The following CA6 variants were observed in gnomAD, a reference collection of about 807,000 sequenced individuals.
CA6 encodes carbonate dehydratase VI.
Under a neutral mutation model 35.9 loss-of-function variants are expected in CA6, and 28 were observed. That is an observed-to-expected ratio of 0.78 (90% confidence interval 0.58 to 1.07). The LOEUF is 1.07. Among genes scored for constraint, CA6 ranks in the 50% least tolerant of loss-of-function variants. The pLI, the probability that CA6 is intolerant of heterozygous loss-of-function variation, is 0.00. For missense variants in CA6, 377 were observed against 382.0 expected (o/e 0.99, Z 0.11); for synonymous variants, 148 against 152.6 (o/e 0.97, Z 0.22).
intron 4 of CA6, among the ~76,000 whole-genome samples, chr1:8,959,309 C>T (rs987523068): frequency 2.7e-5 from 4 of 150,614 alleles, no homozygotes; most frequent in Admixed American, 1.3e-4. Flanking sequence ...AACACCTCTG[C>T]ATTTCCTTTT....
At chr1:8,955,107 T>C (rs1343044462) in intron 2 of CA6, among the ~76,000 whole-genome samples, 1 of 149,964 alleles carries the variant, frequency 6.7e-6, no homozygotes, top group Non-Finnish European at 1.5e-5. Flanking sequence ...CCAGGTGCCG[T>C]GGCTCACCTA....
chr1:8,949,032 T>C (rs113897917), intron 1 of CA6, among the ~76,000 whole-genome samples: 1,996 of 151,766 alleles, frequency 0.013, 61 homozygotes, highest in African/African-American at 0.047. Context: ...GGGCCAGCAG[T>C]TGCCACAGGA....
chr1:8,962,407 T>C (rs1639863305), intron 4 of CA6, among the ~76,000 whole-genome samples, 180 bp from the exon 5 acceptor site: 1 of 152,102 alleles, frequency 6.6e-6, no homozygotes, highest in South Asian at 2.1e-4. Context: ...CTCATGAACC[T>C]GCGTGGTTGG....
At chr1:8,969,446 T>A (rs534924522) in intron 6 of CA6, among the ~76,000 whole-genome samples, 65 of 151,514 alleles carry the variant, frequency 4.3e-4, no homozygotes, top group South Asian at 3.6e-3. Flanking sequence ...GATGGAACTA[T>A]GAAAAGAAGT....
chr1:8,974,770 C>A lies in CA6; in HGVS notation c.*66C>A. 1.2e-6 allele frequency: 1 copy of A among 861,072 alleles called. No individual in the cohort carries two copies. The highest frequency in any genetic ancestry group is 1.8e-6 in the Non-Finnish European group (1 of 556,322). 53.3% of individuals were successfully genotyped at this position (861,072 alleles called of 1,614,324 possible). A position where few individuals can be genotyped will look rare whatever the true frequency, so the allele number is the denominator to read the frequency against. The stretch of plus-strand genomic sequence containing the variant: ...CCTGACCTAGCCAGAAGTGCCTGTC[C>A]GCTGCAGCCGCACCCTACCTTGTCT... On this transcript the variant is annotated 3_prime_UTR_variant, in exon 8 of 8. Coordinates refer to ENST00000377443, the MANE Select transcript of CA6 (RefSeq NM_001215.4).
intron 2 of CA6, among the ~76,000 whole-genome samples, chr1:8,950,987 A>G (rs6675298): frequency 0.71 from 108,049 of 152,140 alleles, 39,265 homozygotes; most frequent in African/African-American, 0.87. Context: ...AGCCCGAGGC[A>G]GGCAGATCAC....
At chr1:8,960,272 T>C (rs1307122935) in intron 4 of CA6, among the ~76,000 whole-genome samples, 1 of 142,506 alleles carries the variant, frequency 7.0e-6, no homozygotes, top group Non-Finnish European at 1.5e-5. Flanking sequence ...AATAGGAAAA[T>C]GTAATCCATA....
intron 7 of CA6, among the ~76,000 whole-genome samples, chr1:8,972,906 C>T (rs1014381756): frequency 1.3e-5 from 2 of 152,090 alleles, no homozygotes; most frequent in Non-Finnish European, 2.9e-5. Context: ...ATCATTTCCC[C>T]ATATTATACC....
At chr1:8,970,309 A>G (rs1014710593) in intron 6 of CA6, among the ~76,000 whole-genome samples, 6 of 151,698 alleles carry the variant, frequency 4.0e-5, no homozygotes, top group African/African-American at 1.2e-4. Context: ...TCTCCTTTCT[A>G]CTACTGGACA....
intron 6 of CA6, among the ~76,000 whole-genome samples, chr1:8,968,717 C>T (rs901739196): frequency 1.3e-5 from 2 of 152,018 alleles, no homozygotes; most frequent in African/African-American, 4.8e-5. Flanking sequence ...AAAATAGTAT[C>T]AAAAATTAAT....
At chr1:8,946,954 T>C (rs557039791) in intron 1 of CA6, among the ~76,000 whole-genome samples, 1 of 151,756 alleles carries the variant, frequency 6.6e-6, no homozygotes, top group East Asian at 1.9e-4. Context: ...CAGGCACTCA[T>C]CACCATGCCT....
At chr1:8,956,155 G>A (rs1267298984) in intron 2 of CA6, among the ~76,000 whole-genome samples, 2 of 151,916 alleles carry the variant, frequency 1.3e-5, no homozygotes, top group African/African-American at 2.4e-5. Context: ...CCCAGGAGGC[G>A]GAGGTTGCAG....
chr1:8,962,619 C>A lies in CA6; in HGVS notation c.534C>A (p.Ser178Arg), dbSNP rs767692013. Residue 178 changes from serine (S) to arginine (R), a missense_variant, in exon 5 of 8, where the codon AGC becomes AGA. Transcript: ENST00000377443. ...VKNYPENTYY[S>R]NFISHLANIK... ...ATTACCCTGAAAACACTTATTACAG[C>A]AACTTCATTTCTCATCTGGCCAACA... is the stretch of plus-strand genomic sequence containing the variant. The A allele has an allele frequency of 1.2e-6, 2 of 1,613,794 alleles. No individual in the cohort carries two copies. The highest frequency in any genetic ancestry group is 1.3e-5 in the African/African-American group (1 of 74,932).
intron 7 of CA6, among the ~76,000 whole-genome samples, chr1:8,971,452 C>T (rs1441516513): frequency 6.6e-6 from 1 of 151,760 alleles, no homozygotes; most frequent in Non-Finnish European, 1.5e-5. Flanking sequence ...GCTGGGACTA[C>T]AGGCACCTAC....
chr1:8,969,017 CA>C (rs200268685), intron 6 of CA6, among the ~76,000 whole-genome samples: 7,950 of 137,514 alleles, frequency 0.058, 402 homozygotes, highest in African/African-American at 0.14. Context: ...AACCCTGTCT[CA>C]AAAAAAAAAA....
chr1:8,971,311 C>CTTT (rs1254140549), intron 7 of CA6, among the ~76,000 whole-genome samples: 3 of 137,936 alleles, frequency 2.2e-5, no homozygotes, highest in Non-Finnish European at 3.2e-5. Flanking sequence ...TCAAGTTAAC[C>CTTT]TTTTTTTTTT....
chr1:8,972,497 C>T (rs1430085757), intron 7 of CA6, among the ~76,000 whole-genome samples: 1 of 152,200 alleles, frequency 6.6e-6, no homozygotes. Flanking sequence ...ATGGTGAAAC[C>T]CCGCCTCTAC....
At chr1:8,956,663 CA>C (rs575792646) in intron 2 of CA6, among the ~76,000 whole-genome samples, 32 of 152,012 alleles carry the variant, frequency 2.1e-4, no homozygotes, top group African/African-American at 7.5e-4. Flanking sequence ...ACAGAGTGAG[CA>C]TGAAAAAAAA....
At chr1:8,951,358 C>T in intron 2 of CA6, 2 of 693,014 alleles carry the variant, frequency 2.9e-6, no homozygotes, top group Non-Finnish European at 5.2e-6. Flanking sequence ...AAAGAATGAA[C>T]AAAAGCCTCA....
Sources: gnomAD v4.1 joint callset for allele counts (sites outside exome capture counted in the v4.1 genomes callset) on GRCh38, gnomAD v4.1.1 for gene constraint, MANE v1.5 for transcripts, NCBI Gene and HGNC (gene_info 2026-07-23, HGNC 2026-07-21) for gene names.